SENP7: variants seen among roughly 807,000 people sequenced by gnomAD.
SENP7 encodes the protein sentrin-specific protease 7.
In SENP7, 64 loss-of-function variants were observed where a neutral mutation model predicts 141.2. That is an observed-to-expected ratio of 0.45 (90% CI 0.37 to 0.56). SENP7 has a LOEUF of 0.56. Among genes scored for constraint, SENP7 ranks in the 20% least tolerant of loss-of-function variants. The pLI is 0.00. For missense variants in SENP7, 1,025 were observed against 1,212.2 expected (o/e 0.85, Z 2.29); for synonymous variants, 382 against 426.4 (o/e 0.90, Z 1.28).
intron 6 of SENP7, among the ~76,000 whole-genome samples, chr3:101,373,986 G>C (rs942393714): frequency 1.3e-5 from 2 of 152,086 alleles, no homozygotes; most frequent in African/African-American, 4.8e-5. Flanking sequence ...TGTAATAAAA[G>C]CTCAAAATAA....
chr3:101,461,184 T>C (rs1053250479), intron 3 of SENP7, among the ~76,000 whole-genome samples: 3 of 152,106 alleles, frequency 2.0e-5, no homozygotes, highest in East Asian at 3.9e-4. Flanking sequence ...AACTGGAGAA[T>C]GTCAAAATAA....
In SENP7 at chr3:101,423,213, A is replaced by G. The variant is rs528807925; in HGVS notation, c.285-5423T>C. ...TAATCTTATTTTTCTGGTCTTTAAAAAAAGTTTTAAAAAAGAGGAAGGAAC... is the reference window on the plus strand; with the variant it reads ...TAATCTTATTTTTCTGGTCTTTAAAGAAAGTTTTAAAAAAGAGGAAGGAAC... On this transcript the variant is annotated intron_variant, in intron 4 of 23. Transcript: ENST00000394095. Among the ~76,000 whole-genome samples, 3 of 152,174 alleles carry G rather than the reference A, an allele frequency of 2.0e-5. No homozygotes were observed. The South Asian group carries it at 6.2e-4, about 32-fold the overall frequency.
intron 13 of SENP7, among the ~76,000 whole-genome samples, chr3:101,344,535 T>C (rs1007988307): frequency 6.6e-5 from 10 of 151,598 alleles, no homozygotes; most frequent in African/African-American, 2.2e-4. Flanking sequence ...TGCAGGAGAG[T>C]AGGAAAAAGG....
intron 3 of SENP7, among the ~76,000 whole-genome samples, chr3:101,464,963 T>C (rs1392601162): frequency 1.3e-5 from 2 of 152,130 alleles, no homozygotes; most frequent in African/African-American, 4.8e-5. Context: ...TAAAAAAGAA[T>C]GAAAATACAT....
rs1421927535 is a variant in SENP7 at position 101,343,918 on chromosome 3, T to C, written c.1874A>G (p.Asn625Ser). Residue 625 changes from asparagine to serine, a missense_variant, in exon 14 of 24, where the codon AAT becomes AGT. Asn to Ser is a conservative substitution (Grantham distance 46). Coordinates refer to ENST00000394095, the MANE Select transcript of SENP7 (RefSeq NM_020654.5). ...SSEFIFLELH[N>S]PVSQREELKL... is the part of the protein sequence containing the mutation. ...CAATTCTTCTCTTTGTGAAACAGGA[T>C]TGTGTAGTTCAAGGAAAATGAATTC... 1.9e-6 allele frequency: 3 copies of C among 1,607,878 alleles called. No individual in the cohort carries two copies. Among genetic ancestry groups the C allele is most frequent in the Non-Finnish European group, 2.6e-6 (3 of 1,176,352 alleles).
chr3:101,459,368 G>T (rs189845889), intron 3 of SENP7, among the ~76,000 whole-genome samples: 211 of 152,190 alleles, frequency 1.4e-3, no homozygotes, highest in Non-Finnish European at 2.6e-3. Flanking sequence ...TACATAGAAG[G>T]TTAAATAGGG....
At chr3:101,472,499 C>T (rs560587743) in intron 3 of SENP7, among the ~76,000 whole-genome samples, 3 of 151,826 alleles carry the variant, frequency 2.0e-5, no homozygotes, top group South Asian at 2.1e-4. Context: ...TGGGACCTGT[C>T]GCGGGGTGGG....
In SENP7 at chr3:101,343,740, A is replaced by G; in HGVS notation, c.2052T>C (p.Ser684=). ...FIHYYCVSTC[S]FPAGVAVAEE... The stretch of plus-strand genomic sequence containing the variant: ...CAGCAACAGCAACACCAGCAGGGAA[A>G]GAACAAGTTGAAACACAGTAATAAT... The change falls in exon 14 of 24, where the codon TCT becomes TCC. Residue 684 remains serine, a synonymous_variant. Coordinates refer to ENST00000394095, the MANE Select transcript of SENP7 (RefSeq NM_020654.5). The G allele has an allele frequency of 6.2e-7, 1 of 1,613,648 alleles. No homozygotes were observed. The highest frequency in any genetic ancestry group is 1.1e-5 in the South Asian group (1 of 90,994).
At position 101,478,388 on chromosome 3, in the gene SENP7, G is replaced by A. The variant is rs78325280; in HGVS notation, c.186+15485C>T. On this transcript the variant is annotated intron_variant, in intron 3 of 23. Coordinates refer to ENST00000394095, the MANE Select transcript of SENP7 (RefSeq NM_020654.5). ...AATTTTTAATTAGCCAGCCATGGTC[G>A]TGCATACCTGTGATACTAGCTGCTC... 6.3e-3 allele frequency among the ~76,000 whole-genome samples: 962 copies of A among 152,176 alleles called. 18 individuals are homozygous for A. The highest frequency in any genetic ancestry group is 0.022 in the African/African-American group (922 of 41,522).
At chr3:101,374,441 A>G (rs750582667) in intron 6 of SENP7, among the ~76,000 whole-genome samples, 4 of 152,170 alleles carry the variant, frequency 2.6e-5, no homozygotes, top group Non-Finnish European at 5.9e-5. Context: ...AACAACAAAG[A>G]TAAATTGGAG....
intron 4 of SENP7, among the ~76,000 whole-genome samples, chr3:101,434,291 G>C (rs1478543588): frequency 1.3e-5 from 2 of 151,870 alleles, no homozygotes; most frequent in Non-Finnish European, 2.9e-5. Flanking sequence ...GTAATATTCA[G>C]AGGAAAGTTT....
Position 101,500,283 on chromosome 3 carries a change from T to C in SENP7, c.90+787A>G, listed in dbSNP as rs1307602304. Among the ~76,000 whole-genome samples the C allele has an allele frequency of 5.3e-5, 8 of 152,204 alleles. No individual in the cohort carries two copies. The South Asian group carries it at 1.2e-3, about 24-fold the overall frequency. On this transcript the variant is annotated intron_variant, in intron 2 of 23. Transcript: ENST00000394095. The stretch of plus-strand genomic sequence containing the variant: ...AAAAATTATCTCTATATGCCAGGTA[T>C]GGTGGCTTATGCCATAATCCCAACA...
intron 22 of SENP7, 148 bp downstream of exon 22, chr3:101,328,330 T>C (rs1403146257): frequency 1.8e-6 from 1 of 563,562 alleles, no homozygotes; most frequent in African/African-American, 1.9e-5. Context: ...GAATAGAAGA[T>C]ATTTATTATT....
rs2064434647 is a variant in SENP7, at chr3:101,480,720, G to A, written c.186+13153C>T. Among the ~76,000 whole-genome samples, 3 of 151,980 alleles carry A rather than the reference G, an allele frequency of 2.0e-5. No individual in the cohort carries two copies. The South Asian group carries it at 6.2e-4, about 31-fold the overall frequency. On this transcript the variant is annotated intron_variant, in intron 3 of 23. Coordinates refer to ENST00000394095, the MANE Select transcript of SENP7 (RefSeq NM_020654.5). ...AGTCTAAAGAATAGGAGAAATATTT[G>A]CAAAATACTCATCTGATAAGGGACT...
At chr3:101,406,065 C>T (rs2061292889) in intron 5 of SENP7, among the ~76,000 whole-genome samples, 1 of 152,038 alleles carries the variant, frequency 6.6e-6, no homozygotes, top group Non-Finnish European at 1.5e-5. Flanking sequence ...ACTATTTGAC[C>T]CAGCAATCCC....
At chr3:101,435,227 A>G (rs2062337630) in intron 4 of SENP7, among the ~76,000 whole-genome samples, 1 of 79,112 alleles carries the variant, frequency 1.3e-5, no homozygotes, top group African/African-American at 6.4e-5. Context: ...ACAGTTCTTC[A>G]TAATAAAAAA....
chr3:101,351,166 G>C (rs903604327), intron 12 of SENP7, among the ~76,000 whole-genome samples: 1 of 151,938 alleles, frequency 6.6e-6, no homozygotes. Flanking sequence ...GTTGGGAAGA[G>C]AATGAGAAAA....
At chr3:101,497,423 G>A (rs1187854620) in intron 2 of SENP7, among the ~76,000 whole-genome samples, 1 of 152,104 alleles carries the variant, frequency 6.6e-6, no homozygotes, top group Admixed American at 6.6e-5. Context: ...AAGGCTCCCT[G>A]GGAAAGTGGT....
chr3:101,504,135 T>C (rs549952230), intron 1 of SENP7, among the ~76,000 whole-genome samples: 25 of 151,990 alleles, frequency 1.6e-4, no homozygotes, highest in African/African-American at 5.8e-4. Flanking sequence ...TGAGAAACCA[T>C]GTAATGTTTT....
Sources: gnomAD v4.1 joint callset for allele counts (sites outside exome capture counted in the v4.1 genomes callset) on GRCh38, gnomAD v4.1.1 for gene constraint, MANE v1.5 for transcripts, NCBI Gene and HGNC (gene_info 2026-07-23, HGNC 2026-07-21) for gene names.